SLC35F3: variants seen among roughly 807,000 people sequenced by gnomAD.
SLC35F3 encodes solute carrier family 35 member F3.
In SLC35F3, 25 loss-of-function variants were observed where a neutral mutation model predicts 49.9. The ratio of observed to expected loss-of-function variants is 0.50; its 90% CI spans 0.37 to 0.70. The LOEUF (loss-of-function observed/expected upper bound fraction) is 0.70, where lower values mean the gene tolerates loss of function less well. SLC35F3 is among the 30% of genes least tolerant of loss of function. The pLI, the probability that SLC35F3 is intolerant of heterozygous loss-of-function variation, is 0.00. For synonymous variants in SLC35F3, 275 were observed against 265.4 expected, an observed-to-expected ratio of 1.04 and a Z score of -0.35; for missense variants, 525 against 639.8, an observed-to-expected ratio of 0.82 and a Z score of 1.94.
At chr1:233,988,283 G>C (rs965110554) in intron 2 of SLC35F3, among the ~76,000 whole-genome samples, 7 of 152,156 alleles carry the variant, frequency 4.6e-5, no homozygotes, top group Non-Finnish European at 5.9e-5. Flanking sequence ...TTGCTTAAAA[G>C]GTATGAAGCT....
intron 2 of SLC35F3, among the ~76,000 whole-genome samples, chr1:234,057,895 T>C (rs1664478859): frequency 6.6e-6 from 1 of 151,974 alleles, no homozygotes; most frequent in Admixed American, 6.6e-5. Flanking sequence ...TTAGTAGAGA[T>C]GGGGTTTCAC....
chr1:234,321,033 G>C (rs910687960), intron 7 of SLC35F3, among the ~76,000 whole-genome samples: 59 of 94,128 alleles, frequency 6.3e-4, no homozygotes, highest in African/African-American at 3.5e-3. Flanking sequence ...GCCATTAAAA[G>C]ATTGCCCCCC....
intron 2 of SLC35F3, among the ~76,000 whole-genome samples, chr1:234,030,961 T>TTA (rs1170581840): frequency 6.6e-6 from 1 of 152,226 alleles, no homozygotes; most frequent in African/African-American, 2.4e-5. Flanking sequence ...AGTTTTCTGC[T>TTA]TACATGGAGG....
At chr1:234,229,246 T>C (rs893174640) in intron 2 of SLC35F3, among the ~76,000 whole-genome samples, 2 of 149,464 alleles carry the variant, frequency 1.3e-5, no homozygotes, top group Non-Finnish European at 2.9e-5. Context: ...TTATAACGCC[T>C]GTTAACTGCA....
intron 2 of SLC35F3, among the ~76,000 whole-genome samples, chr1:234,076,634 G>T (rs1402271808): frequency 1.3e-5 from 2 of 151,748 alleles, no homozygotes; most frequent in Non-Finnish European, 2.9e-5. Flanking sequence ...GCTAATTTTT[G>T]TATTTTAGTA....
At chr1:234,040,150 G>A (rs1468018547) in intron 2 of SLC35F3, among the ~76,000 whole-genome samples, 1 of 152,142 alleles carries the variant, frequency 6.6e-6, no homozygotes, top group African/African-American at 2.4e-5. Context: ...GGACAGTAAA[G>A]GCAGGTCACT....
chr1:234,272,735 T>C (rs529233570), intron 3 of SLC35F3, among the ~76,000 whole-genome samples: 60 of 152,346 alleles, frequency 3.9e-4, no homozygotes, highest in Non-Finnish European at 2.1e-4. Flanking sequence ...CTTTCCATGA[T>C]AGTGACCACT....
chr1:233,994,100 C>T (rs1247810250), intron 2 of SLC35F3, among the ~76,000 whole-genome samples: 1 of 152,174 alleles, frequency 6.6e-6, no homozygotes, highest in African/African-American at 2.4e-5. Context: ...AGATTTGAAA[C>T]ATTTGTTACT....
At chr1:233,975,518 C>T (rs753081869) in intron 2 of SLC35F3, among the ~76,000 whole-genome samples, 4 of 152,218 alleles carry the variant, frequency 2.6e-5, no homozygotes, top group Non-Finnish European at 5.9e-5. Flanking sequence ...TTGCTCTTTC[C>T]CCATTTGACA....
intron 3 of SLC35F3, among the ~76,000 whole-genome samples, chr1:234,258,612 TATC>T (rs1171899627): frequency 6.6e-6 from 1 of 152,256 alleles, no homozygotes; most frequent in African/African-American, 2.4e-5. Flanking sequence ...AAGAGGCTAT[TATC>T]ATCCTTGCTT....
chr1:234,190,153 A>G (rs1405565522), intron 2 of SLC35F3, among the ~76,000 whole-genome samples: 2 of 152,202 alleles, frequency 1.3e-5, no homozygotes, highest in Non-Finnish European at 2.9e-5. Context: ...CAACAAAAAC[A>G]CACACAAAAA....
intron 2 of SLC35F3, among the ~76,000 whole-genome samples, chr1:233,958,598 C>G (rs1447127672): frequency 6.6e-6 from 1 of 152,158 alleles, no homozygotes; most frequent in Non-Finnish European, 1.5e-5. Context: ...GAGGGGACAG[C>G]TTTGGGGCAA....
At chr1:233,964,139 C>T (rs1662855361) in intron 2 of SLC35F3, among the ~76,000 whole-genome samples, 2 of 152,206 alleles carry the variant, frequency 1.3e-5, no homozygotes. Context: ...GGCCAGGGCT[C>T]CAGCCTGTGA....
intron 4 of SLC35F3, among the ~76,000 whole-genome samples, chr1:234,312,192 G>A (rs1014856066): frequency 6.6e-6 from 1 of 152,086 alleles, no homozygotes; most frequent in Admixed American, 6.5e-5. Flanking sequence ...GGCTGAGTGA[G>A]ACCACCCCCA....
chr1:234,216,971 C>T (rs1281209651), intron 2 of SLC35F3, among the ~76,000 whole-genome samples: 1 of 152,088 alleles, frequency 6.6e-6, no homozygotes, highest in Non-Finnish European at 1.5e-5. Context: ...TAGTTTTTTT[C>T]CTTGGTGTTT....
chr1:234,272,209 T>G (rs1668118917), intron 3 of SLC35F3: 1 of 152,202 alleles, frequency 6.6e-6, no homozygotes, highest in Non-Finnish European at 1.5e-5. Flanking sequence ...TACCTGGCCC[T>G]CCTAATGGAA....
chr1:233,972,122 T>C lies in SLC35F3; in HGVS notation c.283+66364T>C, dbSNP rs75074879. On this transcript the variant is annotated intron_variant, in intron 2 of 7. Transcript: ENST00000366618. ...GCTATTTGGCCATGACAACTAAGGT[T>C]GCTGGCTGCAAATGTGTGATTGTCT... 3.5e-3 allele frequency among the ~76,000 whole-genome samples: 530 copies of C among 152,356 alleles called. 2 individuals carry two copies. Among genetic ancestry groups the C allele is most frequent in the Middle Eastern group, 6.8e-3 (2 of 294 alleles).
At chr1:233,918,802 C>T (rs1476708608) in intron 2 of SLC35F3, among the ~76,000 whole-genome samples, 4 of 42,406 alleles carry the variant, frequency 9.4e-5, no homozygotes, top group African/African-American at 1.6e-4. Flanking sequence ...CTCTCTTTCT[C>T]TCTCTCTCTC....
At chr1:234,125,500 C>G (rs951459847) in intron 2 of SLC35F3, among the ~76,000 whole-genome samples, 3 of 152,210 alleles carry the variant, frequency 2.0e-5, no homozygotes, top group African/African-American at 7.2e-5. Context: ...CATGGCTGCA[C>G]CTGCTGTCAG....
Sources: allele counts gnomAD v4.1 joint callset (sites outside exome capture counted in the v4.1 genomes callset), GRCh38; gene constraint gnomAD v4.1.1; transcripts MANE v1.5; gene names NCBI Gene and HGNC (gene_info 2026-07-23, HGNC 2026-07-21).